UTS2B: variants seen among roughly 807,000 people sequenced by gnomAD.
UTS2B encodes the protein urotensin-2B.
In UTS2B, 21 loss-of-function variants were observed where a neutral mutation model predicts 19.2. The observed-to-expected ratio is 1.09, with a 90% CI of 0.78 to 1.58. The LOEUF (loss-of-function observed/expected upper bound fraction) is 1.58, where lower values mean the gene tolerates loss of function less well. Ranked by LOEUF, UTS2B falls within the 40% of genes most tolerant of loss-of-function variation. The pLI, the probability that UTS2B is intolerant of heterozygous loss-of-function variation, is 0.00. For synonymous variants in UTS2B, 57 were observed against 50.2 expected, an observed-to-expected ratio of 1.14 and a Z score of -0.58; for missense variants, 138 against 130.3, an observed-to-expected ratio of 1.06 and a Z score of -0.29.
chr3:191,311,054 A>C (rs937646244), intron 3 of UTS2B, among the ~76,000 whole-genome samples: 1 of 152,262 alleles, frequency 6.6e-6, no homozygotes, highest in African/African-American at 2.4e-5. Context: ...ATCTTGGCTA[A>C]GGAAATTAAC....
At position 191,319,107 on chromosome 3, in the gene UTS2B, T is replaced by A. The variant is rs111301525; in HGVS notation, c.-585-2668A>T. Among the ~76,000 whole-genome samples, 1,092 of 152,236 alleles carry A rather than the reference T, an allele frequency of 7.2e-3. 17 individuals carry two copies. Among genetic ancestry groups the A allele is most frequent in the Middle Eastern group, 0.041 (12 of 294 alleles). Reference sequence around the variant, plus strand: ...GCTGACACTTTGCTGAATTTTCCTCTGTATTAGCTCACAGTCCTCCTTGCA... The same window carrying A: ...GCTGACACTTTGCTGAATTTTCCTCAGTATTAGCTCACAGTCCTCCTTGCA... On this transcript the variant is annotated intron_variant, in intron 2 of 8. Coordinates refer to ENST00000340524, the MANE Select transcript of UTS2B (RefSeq NM_198152.5).
At position 191,282,070 on chromosome 3, in the gene UTS2B, A is replaced by T; in HGVS notation, c.103+17T>A. Reference sequence around the variant, plus strand: ...TTACTTACCCACCTGTAGGATTTTTAATTGATATGCACGTACCTTGGGTAA... The same window carrying T: ...TTACTTACCCACCTGTAGGATTTTTTATTGATATGCACGTACCTTGGGTAA... On this transcript the variant is annotated intron_variant, in intron 5 of 8. Transcript: ENST00000340524. 6.4e-7 allele frequency: 1 copy of T among 1,551,090 alleles called. No homozygotes were observed. Among genetic ancestry groups the T allele is most frequent in the South Asian group, 1.2e-5 (1 of 86,632 alleles).
chr3:191,336,170 A>G, the UTS2B span, among the ~76,000 whole-genome samples: 122 of 151,390 alleles, frequency 8.1e-4, no homozygotes, highest in African/African-American at 2.9e-3. Context: ...GTATTTGAAC[A>G]TAAGTTTTTG....
the UTS2B span, among the ~76,000 whole-genome samples, chr3:191,337,258 G>A: frequency 6.6e-6 from 1 of 151,914 alleles, no homozygotes; most frequent in Admixed American, 6.6e-5. Context: ...TTCAGTTATC[G>A]GTATAAACAC....
intron 2 of UTS2B, among the ~76,000 whole-genome samples, chr3:191,320,737 A>G (rs752238596): frequency 6.6e-6 from 1 of 152,252 alleles, no homozygotes; most frequent in Non-Finnish European, 1.5e-5. Context: ...GGTGTGAAAG[A>G]AAGACAGTAA....
At chr3:191,317,085 C>T (rs1033346562) in intron 2 of UTS2B, among the ~76,000 whole-genome samples, 6 of 152,186 alleles carry the variant, frequency 3.9e-5, no homozygotes, top group Admixed American at 2.6e-4. Flanking sequence ...CAGGGAGGCT[C>T]GGGCCGTGCA....
chr3:191,345,025 AAGAC>A, the UTS2B span, among the ~76,000 whole-genome samples: 1 of 152,218 alleles, frequency 6.6e-6, no homozygotes, highest in South Asian at 2.1e-4. Context: ...TGGGAATAGA[AAGAC>A]AGAGCCCAGG....
intron 3 of UTS2B, among the ~76,000 whole-genome samples, chr3:191,311,670 C>A (rs960992511): frequency 6.6e-6 from 1 of 152,222 alleles, no homozygotes; most frequent in African/African-American, 2.4e-5. Context: ...GAAGCAGCTA[C>A]CACTGAGCTT....
chr3:191,282,220 A>C lies in UTS2B; in HGVS notation c.-31T>G, dbSNP rs1340232278. 1 of 1,534,128 alleles carries C rather than the reference A, an allele frequency of 6.5e-7. No homozygotes were observed. Among genetic ancestry groups the C allele is most frequent in the South Asian group, 1.2e-5 (1 of 86,628 alleles). On this transcript the variant is annotated 5_prime_UTR_variant, in exon 5 of 9. Transcript: ENST00000340524. ...AAAAAACCTTCTGGACTAGCAAAGA[A>C]ACAGACTTTCCAGGTCAAGATGGAT... is the stretch of plus-strand genomic sequence containing the variant.
chr3:191,316,001 C>A (rs1056037469), intron 3 of UTS2B, 35 bp downstream of exon 3: 18 of 152,186 alleles, frequency 1.2e-4, no homozygotes, highest in Non-Finnish European at 2.6e-4. Flanking sequence ...ATTCAAATTT[C>A]TGCAAATTGG....
chr3:191,288,480 T>G (rs552792240), intron 4 of UTS2B, among the ~76,000 whole-genome samples: 1 of 152,240 alleles, frequency 6.6e-6, no homozygotes, highest in East Asian at 1.9e-4. Flanking sequence ...CCACTGAAGA[T>G]CAATTGATTT....
At position 191,282,135 on chromosome 3, in the gene UTS2B, CG is replaced by C. The variant is rs1560134730; in HGVS notation, c.54del (p.Val19CysfsTer2). 6.2e-7 allele frequency: 1 copy of C among 1,613,294 alleles called. No individual in the cohort carries two copies. The highest frequency in any genetic ancestry group is 1.3e-5 in the African/African-American group (1 of 74,852). ...TGCACAGATTGTAAAAAACTCAACA[CG>C]GATAACAAAGTTAGGAGTCCAAAGC... ...TVCFGLLTLL[S>X]VLSFLQSVHG... On this transcript the variant is annotated frameshift_variant, in exon 5 of 9. Coordinates refer to ENST00000340524, the MANE Select transcript of UTS2B (RefSeq NM_198152.5). LOFTEE classifies it high-confidence loss of function.
intron 3 of UTS2B, among the ~76,000 whole-genome samples, chr3:191,309,722 T>C (rs530811645): frequency 1.3e-5 from 2 of 152,180 alleles, no homozygotes; most frequent in African/African-American, 4.8e-5. Context: ...TATTGTGAGA[T>C]CTGGTAATAC....
intron 4 of UTS2B, among the ~76,000 whole-genome samples, chr3:191,291,022 G>A (rs1348416802): frequency 6.6e-6 from 1 of 152,152 alleles, no homozygotes; most frequent in Non-Finnish European, 1.5e-5. Flanking sequence ...AAGGAAGGAA[G>A]CAAAAGTAGA....
intron 3 of UTS2B, among the ~76,000 whole-genome samples, chr3:191,315,013 AT>A (rs796258238): frequency 2.0e-3 from 293 of 143,452 alleles, no homozygotes; most frequent in South Asian, 2.9e-3. Flanking sequence ...CCACCCTAGA[AT>A]TTTTTTTTTT....
chr3:191,312,577 G>A (rs1717333610), intron 3 of UTS2B, among the ~76,000 whole-genome samples: 1 of 152,126 alleles, frequency 6.6e-6, no homozygotes, highest in African/African-American at 2.4e-5. Context: ...AATTGCAACA[G>A]CCACTTGACT....
At chr3:191,294,366 T>C (rs1268935995) in intron 4 of UTS2B, among the ~76,000 whole-genome samples, 1 of 151,834 alleles carries the variant, frequency 6.6e-6, no homozygotes, top group Non-Finnish European at 1.5e-5. Context: ...GACGCAAATT[T>C]AAATTAGCAG....
chr3:191,268,141 C>T lies in UTS2B; in HGVS notation c.*275G>A, dbSNP rs1715990735. The T allele has an allele frequency of 4.0e-6, 1 of 252,554 alleles. No individual in the cohort carries two copies. Among genetic ancestry groups the T allele is most frequent in the African/African-American group, 2.3e-5 (1 of 44,342 alleles). The allele number at this position is 252,554 out of a possible 1,614,324, so 15.6% of individuals were successfully genotyped here. A position where few individuals can be genotyped will look rare whatever the true frequency, so the allele number is the denominator to read the frequency against. Reference sequence around the variant, plus strand: ...CCCAGAGCTATGAACATCTGCTTTTCTGGGATAGGAATCTTGGTGATATGA... The same window carrying T: ...CCCAGAGCTATGAACATCTGCTTTTTTGGGATAGGAATCTTGGTGATATGA... On this transcript the variant is annotated 3_prime_UTR_variant, in exon 9 of 9. Transcript: ENST00000340524.
At chr3:191,341,079 G>C in the UTS2B span, among the ~76,000 whole-genome samples, 4 of 151,868 alleles carry the variant, frequency 2.6e-5, no homozygotes, top group African/African-American at 9.7e-5. Context: ...TCCCAGCTTA[G>C]CCTGCACTGG....
Sources: allele counts gnomAD v4.1 joint callset (sites outside exome capture counted in the v4.1 genomes callset), GRCh38; gene constraint gnomAD v4.1.1; transcripts MANE v1.5; gene names NCBI Gene and HGNC (gene_info 2026-07-23, HGNC 2026-07-21).